Variants in KCNJ3 observed in about 807,000 individuals in gnomAD.
KCNJ3 encodes potassium inwardly rectifying channel subfamily J member 3.
Under a neutral mutation model 39.2 loss-of-function variants are expected in KCNJ3, and 4 were observed. That is an observed-to-expected ratio of 0.10 (90% confidence interval 0.05 to 0.23). KCNJ3 has a LOEUF of 0.23. Among genes scored for constraint, KCNJ3 ranks in the 10% least tolerant of loss-of-function variants. The probability of loss-of-function intolerance (pLI) is 1.00; values close to 1 mark genes in which losing one functional copy is unlikely to be tolerated. For synonymous variants in KCNJ3, 230 were observed against 237.4 expected (o/e 0.97, Z 0.29); for missense variants, 276 against 634.9 (o/e 0.43, Z 6.08).
In KCNJ3 at chr2:154,730,689, T is replaced by A. The variant is rs114170352; in HGVS notation, c.919+20870T>A. On this transcript the variant is annotated intron_variant, in intron 2 of 2. Coordinates refer to ENST00000295101, the MANE Select transcript of KCNJ3 (RefSeq NM_002239.4). ...TTGCAAATATAAACATTAAACCCCA[T>A]ATAAGGTATTATAGAAACATCAAAT... is the stretch of plus-strand genomic sequence containing the variant. 3.6e-3 allele frequency among the ~76,000 whole-genome samples: 549 copies of A among 152,182 alleles called. 1 individual carries two copies. Among genetic ancestry groups the A allele is most frequent in the African/African-American group, 0.012 (514 of 41,558 alleles).
chr2:154,775,994 G>A (rs924466531), intron 2 of KCNJ3, among the ~76,000 whole-genome samples: 3 of 146,732 alleles, frequency 2.0e-5, no homozygotes, highest in African/African-American at 5.1e-5. Context: ...AGGAACTCAG[G>A]AGAAGTGATT....
rs1687813613 is a variant in KCNJ3, at chr2:154,855,009, C to T, written c.1202C>T (p.Ser401Phe). The change falls in exon 3 of 3, where the codon TCT becomes TTT. Residue 401 changes from serine (S) to phenylalanine (F), a missense_variant. This residue lies in a region of KCNJ3 where 126 missense variants were observed against 179.8 expected (regional missense o/e 0.70). Coordinates refer to ENST00000295101, the MANE Select transcript of KCNJ3 (RefSeq NM_002239.4). Reference protein sequence around the residue: ...GLDDITTKLPSKLQKITGRED... With the variant: ...GLDDITTKLPFKLQKITGRED... ...GATGATATTACTACAAAACTACCAT[C>T]TAAGCTGCAGAAAATTACTGGAAGA... is the stretch of plus-strand genomic sequence containing the variant. The T allele has an allele frequency of 6.2e-7, 1 of 1,613,994 alleles. No homozygotes were observed. The highest frequency in any genetic ancestry group is 1.7e-5 in the Admixed American group (1 of 59,994).
intron 2 of KCNJ3, among the ~76,000 whole-genome samples, chr2:154,824,666 G>A (rs1687239187): frequency 6.6e-6 from 1 of 152,108 alleles, no homozygotes; most frequent in South Asian, 2.1e-4. Flanking sequence ...ACATATAAAT[G>A]TATTTTATAA....
intron 2 of KCNJ3, among the ~76,000 whole-genome samples, chr2:154,710,214 A>T (rs1558852742): frequency 6.6e-6 from 1 of 152,006 alleles, no homozygotes; most frequent in Non-Finnish European, 1.5e-5. Context: ...GGGGATGGTG[A>T]TTTGGGGTGT....
intron 1 of KCNJ3, among the ~76,000 whole-genome samples, chr2:154,703,172 C>A (rs920015832): frequency 6.6e-6 from 1 of 151,944 alleles, no homozygotes; most frequent in African/African-American, 2.4e-5. Context: ...AATTTATTAT[C>A]TCAATGCCAT....
intron 2 of KCNJ3, among the ~76,000 whole-genome samples, chr2:154,789,758 G>C (rs1002825016): frequency 1.8e-4 from 27 of 152,090 alleles, no homozygotes; most frequent in African/African-American, 5.8e-4. Context: ...AAAAATGTGT[G>C]ATTTTGTTAT....
intron 2 of KCNJ3, among the ~76,000 whole-genome samples, chr2:154,787,244 T>C (rs919353792): frequency 6.6e-6 from 1 of 152,220 alleles, no homozygotes; most frequent in African/African-American, 2.4e-5. Flanking sequence ...CTTTGTCTTC[T>C]TTGAATTGCT....
intron 2 of KCNJ3, among the ~76,000 whole-genome samples, chr2:154,787,997 A>G (rs571246657): frequency 6.6e-6 from 1 of 152,324 alleles, no homozygotes; most frequent in African/African-American, 2.4e-5. Context: ...AGAAAGACAC[A>G]TAGACATCTG....
intron 2 of KCNJ3, among the ~76,000 whole-genome samples, chr2:154,774,610 C>T (rs1301129473): frequency 6.6e-6 from 1 of 151,758 alleles, no homozygotes; most frequent in East Asian, 1.9e-4. Flanking sequence ...TTCTGCAATA[C>T]AAAAATACAA....
At chr2:154,795,806 CT>C (rs1686710641) in intron 2 of KCNJ3, among the ~76,000 whole-genome samples, 1 of 152,046 alleles carries the variant, frequency 6.6e-6, no homozygotes, top group Non-Finnish European at 1.5e-5. Context: ...CTTTTATCCC[CT>C]TTGCTAAATC....
intron 2 of KCNJ3, among the ~76,000 whole-genome samples, chr2:154,720,642 G>C (rs1685251446): frequency 6.6e-6 from 1 of 151,864 alleles, no homozygotes; most frequent in Non-Finnish European, 1.5e-5. Context: ...TTTAGATACA[G>C]GTAAAATCTG....
chr2:154,849,720 C>G (rs1687722456), intron 2 of KCNJ3, among the ~76,000 whole-genome samples: 1 of 152,146 alleles, frequency 6.6e-6, no homozygotes, highest in Non-Finnish European at 1.5e-5. Flanking sequence ...TTAGAGATAT[C>G]CTGAAAGTTT....
chr2:154,805,074 TAAG>T (rs968088428), intron 2 of KCNJ3, among the ~76,000 whole-genome samples: 19 of 152,148 alleles, frequency 1.2e-4, no homozygotes, highest in African/African-American at 4.6e-4. Context: ...ACAATTTTCC[TAAG>T]AAGTGAACTT....
intron 2 of KCNJ3, among the ~76,000 whole-genome samples, chr2:154,754,388 C>T (rs1164298401): frequency 1.3e-5 from 2 of 152,130 alleles, no homozygotes. Flanking sequence ...ATTCTCCTGC[C>T]TCAGCCTCCC....
At chr2:154,842,869 G>A (rs1307040586) in intron 2 of KCNJ3, among the ~76,000 whole-genome samples, 2 of 152,100 alleles carry the variant, frequency 1.3e-5, no homozygotes, top group African/African-American at 2.4e-5. Flanking sequence ...ACAGCACACT[G>A]ATGCGTCTTG....
chr2:154,788,087 A>G (rs1275136317), intron 2 of KCNJ3, among the ~76,000 whole-genome samples: 1 of 152,152 alleles, frequency 6.6e-6, no homozygotes, highest in Non-Finnish European at 1.5e-5. Flanking sequence ...AACTGAGCTG[A>G]GAAGATGTGC....
chr2:154,811,534 C>T (rs1457867684), intron 2 of KCNJ3, among the ~76,000 whole-genome samples: 1 of 152,028 alleles, frequency 6.6e-6, no homozygotes, highest in African/African-American at 2.4e-5. Flanking sequence ...CCTTGTGATC[C>T]GCCCACCTTG....
intron 1 of KCNJ3, among the ~76,000 whole-genome samples, chr2:154,705,743 T>C (rs941315309): frequency 1.1e-4 from 17 of 152,288 alleles, no homozygotes; most frequent in Non-Finnish European, 2.2e-4. Flanking sequence ...ATACCTAATG[T>C]TCACGTTATA....
chr2:154,812,105 C>T (rs916587221), intron 2 of KCNJ3, among the ~76,000 whole-genome samples: 4 of 152,096 alleles, frequency 2.6e-5, no homozygotes, highest in Non-Finnish European at 5.9e-5. Flanking sequence ...GTTTAAGATG[C>T]ATTTTAAGAG....
Sources: allele counts gnomAD v4.1 joint callset (sites outside exome capture counted in the v4.1 genomes callset), GRCh38; gene constraint gnomAD v4.1.1; regional missense constraint gnomAD v4.1.1; transcripts MANE v1.5; gene names NCBI Gene and HGNC (gene_info 2026-07-23, HGNC 2026-07-21).